Variants in FSTL5 observed in about 807,000 individuals in gnomAD.
The protein encoded by FSTL5 is follistatin like 5, also known as follistatin-related protein 5.
In FSTL5, 62 loss-of-function variants were observed where a neutral mutation model predicts 89.1. That is an observed-to-expected ratio of 0.70 (90% CI 0.57 to 0.86). The LOEUF (loss-of-function observed/expected upper bound fraction) is 0.86. FSTL5 is among the 40% of genes least tolerant of loss of function. The pLI is 0.00. For missense variants in FSTL5, 1,057 were observed against 1,001.6 expected, an observed-to-expected ratio of 1.06 and a Z score of -0.75; for synonymous variants, 383 against 346.2, an observed-to-expected ratio of 1.11 and a Z score of -1.18.
chr4:162,001,455 T>C (rs1306812897), intron 3 of FSTL5, among the ~76,000 whole-genome samples: 1 of 152,198 alleles, frequency 6.6e-6, no homozygotes. Context: ...TTCTGGCCAT[T>C]AGATGTTAGA....
At chr4:161,386,505 G>T in intron 15 of FSTL5, 56 bp from the exon 16 acceptor site, 2 of 1,255,624 alleles carry the variant, frequency 1.6e-6, no homozygotes, top group Non-Finnish European at 1.1e-6. Context: ...TTAGCCGTAA[G>T]AAAAAAACTA....
intron 3 of FSTL5, among the ~76,000 whole-genome samples, chr4:161,943,879 T>C (rs1734665564): frequency 6.6e-6 from 1 of 152,042 alleles, no homozygotes; most frequent in Non-Finnish European, 1.5e-5. Context: ...CTTTACCTGC[T>C]CTGTAAATAT....
chr4:162,109,838 T>G (rs867059754), intron 2 of FSTL5, among the ~76,000 whole-genome samples: 2 of 152,128 alleles, frequency 1.3e-5, no homozygotes, highest in Middle Eastern at 3.4e-3. Context: ...TCAAGACACA[T>G]AACTTAGGGC....
Position 161,673,563 on chromosome 4 carries a change from G to A in FSTL5, c.728-17069C>T, listed in dbSNP as rs578170582. On this transcript the variant is annotated intron_variant, in intron 6 of 15. Transcript: ENST00000306100. ...AAAAACAAATCAAACAGTTATTTTC[G>A]GTTAAGTAGACAAAAGAATGAGTAC... 3.9e-5 allele frequency among the ~76,000 whole-genome samples: 6 copies of A among 151,938 alleles called. No individual in the cohort carries two copies. The South Asian group carries it at 8.3e-4, about 21-fold the overall frequency.
At chr4:161,489,392 A>C (rs2126466937) in intron 12 of FSTL5, among the ~76,000 whole-genome samples, 1 of 152,266 alleles carries the variant, frequency 6.6e-6, no homozygotes, top group East Asian at 1.9e-4. Flanking sequence ...GGTCCAAAAA[A>C]TAGAAAATAG....
chr4:162,060,820 C>T (rs916793562), intron 2 of FSTL5, among the ~76,000 whole-genome samples: 23 of 152,046 alleles, frequency 1.5e-4, no homozygotes, highest in Admixed American at 2.6e-4. Flanking sequence ...TATTGCACCA[C>T]ACTTTGACAT....
intron 7 of FSTL5, among the ~76,000 whole-genome samples, chr4:161,637,516 T>C (rs1306782518): frequency 6.6e-6 from 1 of 151,870 alleles, no homozygotes; most frequent in Admixed American, 6.6e-5. Flanking sequence ...GCTTTTGGTG[T>C]TTTGGACATG....
At chr4:161,720,614 T>C (rs1739164512) in intron 6 of FSTL5, among the ~76,000 whole-genome samples, 1 of 152,216 alleles carries the variant, frequency 6.6e-6, no homozygotes, top group Non-Finnish European at 1.5e-5. Context: ...ACAACATTAA[T>C]GTCCATCATT....
At chr4:161,683,526 ACTT>A (rs1343616794) in intron 6 of FSTL5, among the ~76,000 whole-genome samples, 3 of 152,066 alleles carry the variant, frequency 2.0e-5, no homozygotes, top group Non-Finnish European at 4.4e-5. Context: ...CTTTTGTAAT[ACTT>A]GAGAAAAAAA....
intron 3 of FSTL5, among the ~76,000 whole-genome samples, chr4:161,956,866 T>C (rs1234700207): frequency 6.6e-6 from 1 of 151,994 alleles, no homozygotes; most frequent in South Asian, 2.1e-4. Flanking sequence ...ATAATGCTCA[T>C]TTAAGTTGGT....
chr4:162,064,971 T>G (rs1383564808), intron 2 of FSTL5, among the ~76,000 whole-genome samples: 1 of 151,984 alleles, frequency 6.6e-6, no homozygotes, highest in Non-Finnish European at 1.5e-5. Flanking sequence ...TCAACTAATC[T>G]TTGGGAAGAG....
At chr4:161,494,956 T>C (rs1319802110) in intron 12 of FSTL5, among the ~76,000 whole-genome samples, 1 of 151,868 alleles carries the variant, frequency 6.6e-6, no homozygotes, top group Non-Finnish European at 1.5e-5. Context: ...CAGCTACCCA[T>C]GAGGCTAAGG....
chr4:161,835,246 C>A (rs930329597), intron 4 of FSTL5, among the ~76,000 whole-genome samples: 203 of 152,004 alleles, frequency 1.3e-3, no homozygotes, highest in Middle Eastern at 6.9e-3. Flanking sequence ...AACTGGCTAG[C>A]CATAAGTAGA....
intron 2 of FSTL5, among the ~76,000 whole-genome samples, chr4:162,073,395 T>C (rs1040741271): frequency 6.6e-6 from 1 of 151,654 alleles, no homozygotes; most frequent in Non-Finnish European, 1.5e-5. Context: ...GATTGATAAA[T>C]TGAAAACACC....
intron 6 of FSTL5, among the ~76,000 whole-genome samples, chr4:161,668,838 G>A (rs1056841908): frequency 1.3e-5 from 2 of 152,026 alleles, no homozygotes; most frequent in Non-Finnish European, 2.9e-5. Context: ...GAGGCTGGGC[G>A]CGGTGGCTCA....
chr4:162,106,744 C>T (rs565523024), intron 2 of FSTL5, among the ~76,000 whole-genome samples: 213 of 152,130 alleles, frequency 1.4e-3, no homozygotes, highest in African/African-American at 4.9e-3. Context: ...GCAGATAACG[C>T]TAAGGTTTTA....
intron 4 of FSTL5, among the ~76,000 whole-genome samples, chr4:161,783,056 A>G (rs1741726221): frequency 1.3e-5 from 2 of 152,186 alleles, no homozygotes; most frequent in Non-Finnish European, 2.9e-5. Context: ...AGATGCAGAG[A>G]ACATTAGCAG....
intron 7 of FSTL5, among the ~76,000 whole-genome samples, chr4:161,646,995 T>C (rs539818840): frequency 6.6e-6 from 1 of 152,330 alleles, no homozygotes; most frequent in Non-Finnish European, 1.5e-5. Context: ...GCAGAAACTA[T>C]TTAGTTTGAT....
At chr4:161,620,615 C>T (rs1735088529) in intron 7 of FSTL5, among the ~76,000 whole-genome samples, 2 of 152,104 alleles carry the variant, frequency 1.3e-5, no homozygotes, top group South Asian at 4.1e-4. Flanking sequence ...GAGATCGCGC[C>T]ATTGCACTCC....
Sources: gnomAD v4.1 joint callset for allele counts (sites outside exome capture counted in the v4.1 genomes callset) on GRCh38, gnomAD v4.1.1 for gene constraint, MANE v1.5 for transcripts, NCBI Gene and HGNC (gene_info 2026-07-23, HGNC 2026-07-21) for gene names.